DIPK1A: variants seen among roughly 807,000 people sequenced by gnomAD.
DIPK1A encodes the protein divergent protein kinase domain 1A, also known as family with sequence similarity 69 member A.
In DIPK1A, 27 loss-of-function variants were observed where a neutral mutation model predicts 40.8. The ratio of observed to expected loss-of-function variants is 0.66; its 90% CI spans 0.49 to 0.91. DIPK1A has a LOEUF of 0.91. Ranked by LOEUF, DIPK1A falls within the 40% of genes least tolerant of loss-of-function variation. The probability of loss-of-function intolerance (pLI) is 0.00; values close to 1 mark genes in which losing one functional copy is unlikely to be tolerated. For missense variants in DIPK1A, 412 were observed against 505.7 expected (o/e 0.81, Z 1.78); for synonymous variants, 166 against 171.3 (o/e 0.97, Z 0.24).
intron 1 of DIPK1A, chr1:92,933,270 T>C (rs186283609): frequency 2.6e-5 from 4 of 152,276 alleles, no homozygotes; most frequent in Admixed American, 2.6e-4. Context: ...ACTAAAACTT[T>C]GTTCCTTTGA....
intron 1 of DIPK1A, among the ~76,000 whole-genome samples, chr1:92,950,616 G>A (rs1366716437): frequency 4.6e-5 from 7 of 152,184 alleles, no homozygotes; most frequent in East Asian, 3.8e-4. Context: ...TTTGGGAGGC[G>A]GGAGGATAGC....
chr1:92,947,019 T>A (rs1250512427), intron 1 of DIPK1A, among the ~76,000 whole-genome samples: 2 of 151,552 alleles, frequency 1.3e-5, no homozygotes, highest in Admixed American at 6.6e-5. Context: ...TTTTTGATAA[T>A]GCAATCCTTT....
chr1:92,846,847 G>GTATATATATATA (rs1204178725), intron 4 of DIPK1A, among the ~76,000 whole-genome samples: 4 of 348 alleles, frequency 0.011, no homozygotes, highest in Non-Finnish European at 0.014. Context: ...ATATATGTGT[G>GTATATATATATA]TATATATATA....
At chr1:92,885,972 T>C (rs1417260425) in intron 1 of DIPK1A, among the ~76,000 whole-genome samples, 1 of 152,212 alleles carries the variant, frequency 6.6e-6, no homozygotes, top group Non-Finnish European at 1.5e-5. Flanking sequence ...ATATTACTTA[T>C]CTCTTTTTCT....
chr1:92,906,688 G>A (rs905673769), intron 1 of DIPK1A, among the ~76,000 whole-genome samples: 3 of 152,118 alleles, frequency 2.0e-5, no homozygotes, highest in African/African-American at 7.2e-5. Flanking sequence ...TGAAAAAAAG[G>A]CACAGTATGT....
In DIPK1A at chr1:92,847,373, A is replaced by T. The variant is rs1360529536; in HGVS notation, c.298-14T>A. The T allele has an allele frequency of 1.3e-6, 2 of 1,583,684 alleles. No individual in the cohort carries two copies. The highest frequency in any genetic ancestry group is 1.2e-5 in the South Asian group (1 of 86,400). On this transcript the variant is annotated splice_polypyrimidine_tract_variant and intron_variant, in intron 3 of 4. Coordinates refer to ENST00000370310, the MANE Select transcript of DIPK1A (RefSeq NM_001006605.5). ...CCCTAAATACATCTATGTAAAAAAG[A>T]GTGGCAAGTTATGTATTATACTGAG... is the stretch of plus-strand genomic sequence containing the variant.
intron 1 of DIPK1A, among the ~76,000 whole-genome samples, chr1:92,957,253 A>C (rs1042517865): frequency 2.6e-5 from 4 of 152,184 alleles, no homozygotes; most frequent in African/African-American, 7.2e-5. Flanking sequence ...GGGTTATCAC[A>C]CCCAAGCAGG....
At chr1:92,905,423 T>C (rs1278607242) in intron 1 of DIPK1A, among the ~76,000 whole-genome samples, 2 of 152,190 alleles carry the variant, frequency 1.3e-5, no homozygotes, top group South Asian at 2.1e-4. Flanking sequence ...GCCATTTGTA[T>C]GTTTTCTTCT....
chr1:92,861,607 G>A (rs368638626), intron 2 of DIPK1A, among the ~76,000 whole-genome samples: 1 of 151,466 alleles, frequency 6.6e-6, no homozygotes. Context: ...GATTACAGGC[G>A]TGAGCTGCTG....
intron 2 of DIPK1A, among the ~76,000 whole-genome samples, chr1:92,859,978 AG>A (rs1688111664): frequency 6.6e-6 from 1 of 152,244 alleles, no homozygotes; most frequent in African/African-American, 2.4e-5. Flanking sequence ...CTGAGATTAC[AG>A]GCATAAGCCA....
intron 1 of DIPK1A, among the ~76,000 whole-genome samples, chr1:92,922,458 C>T (rs758072362): frequency 5.3e-5 from 8 of 151,630 alleles, no homozygotes; most frequent in East Asian, 3.9e-4. Flanking sequence ...CAATTTCGTC[C>T]GGGGAGAATA....
chr1:92,865,041 CAAAAAAAA>C (rs56735279), intron 2 of DIPK1A, among the ~76,000 whole-genome samples: 2 of 70,442 alleles, frequency 2.8e-5, no homozygotes, highest in Non-Finnish European at 4.9e-5. Flanking sequence ...GACTCCGTCT[CAAAAAAAA>C]AAAAAAAAAA....
chr1:92,919,147 A>G (rs1489140430), intron 1 of DIPK1A, among the ~76,000 whole-genome samples: 1 of 152,188 alleles, frequency 6.6e-6, no homozygotes, highest in African/African-American at 2.4e-5. Context: ...TCATCTACCT[A>G]TACAATAAAC....
intron 1 of DIPK1A, among the ~76,000 whole-genome samples, chr1:92,907,121 G>A (rs1649653998): frequency 6.6e-6 from 1 of 152,134 alleles, no homozygotes; most frequent in Non-Finnish European, 1.5e-5. Context: ...ATAAGGAGAT[G>A]GGAAGATGTT....
chr1:92,841,869 C>A, downstream of DIPK1A: 2 of 1,608,042 alleles, frequency 1.2e-6, no homozygotes, highest in Non-Finnish European at 8.5e-7. Context: ...GAGCTAAACC[C>A]AGCAATTTTC....
chr1:92,841,656 G>A (rs112571271), downstream of DIPK1A: 2 of 645,692 alleles, frequency 3.1e-6, no homozygotes, highest in East Asian at 3.6e-5. Flanking sequence ...CCTTCTGATT[G>A]CAAAGTCTTA....
At chr1:92,851,375 C>A (rs1480808827) in intron 2 of DIPK1A, among the ~76,000 whole-genome samples, 1 of 151,584 alleles carries the variant, frequency 6.6e-6, no homozygotes, top group Non-Finnish European at 1.5e-5. Flanking sequence ...GAAACCCCAT[C>A]TCTACTAAAA....
chr1:92,891,965 T>C (rs1571097264), intron 1 of DIPK1A, among the ~76,000 whole-genome samples: 1 of 151,726 alleles, frequency 6.6e-6, no homozygotes, highest in Non-Finnish European at 1.5e-5. Flanking sequence ...GGGGGAGGGG[T>C]GCCTGCCATT....
At chr1:92,911,108 T>C (rs1195076387) in intron 1 of DIPK1A, among the ~76,000 whole-genome samples, 3 of 152,356 alleles carry the variant, frequency 2.0e-5, no homozygotes, top group Middle Eastern at 6.8e-3. Flanking sequence ...TGGAGATTCA[T>C]TCAAGTTGTT....
Sources: gnomAD v4.1 joint callset for allele counts (sites outside exome capture counted in the v4.1 genomes callset) on GRCh38, gnomAD v4.1.1 for gene constraint, MANE v1.5 for transcripts, NCBI Gene and HGNC (gene_info 2026-07-23, HGNC 2026-07-21) for gene names.